Variants in MAST4 observed in about 807,000 individuals in gnomAD.
The protein encoded by MAST4 is microtubule-associated serine/threonine-protein kinase 4.
Under a neutral mutation model 162.7 loss-of-function variants are expected in MAST4, and 89 were observed. The ratio of observed to expected loss-of-function variants is 0.55; its 90% confidence interval spans 0.46 to 0.65. The LOEUF is 0.65. MAST4 is among the 30% of genes least tolerant of loss of function. The probability of loss-of-function intolerance (pLI) is 0.00; values close to 1 mark genes in which losing one functional copy is unlikely to be tolerated. For synonymous variants in MAST4, 1,479 were observed against 1,361.1 expected (o/e 1.09, Z -1.91); for missense variants, 3,153 against 3,374.0 (o/e 0.93, Z 1.62).
chr5:66,698,310 T>G, intron 1 of MAST4, among the ~76,000 whole-genome samples: 1 of 151,812 alleles, frequency 6.6e-6, no homozygotes, highest in South Asian at 2.1e-4. Flanking sequence ...CTCATTCTCA[T>G]TCCCTCCTCC....
intron 4 of MAST4, among the ~76,000 whole-genome samples, chr5:67,033,345 G>GTGTGTGTGTGTGT (rs55919358): frequency 1.1e-4 from 13 of 123,590 alleles, no homozygotes; most frequent in African/African-American, 1.9e-4. Flanking sequence ...GTGTGTGTGT[G>GTGTGTGTGTGTGT]GCTTTTTTTT....
chr5:66,891,129 T>G (rs73765783), intron 3 of MAST4, among the ~76,000 whole-genome samples: 3,169 of 152,280 alleles, frequency 0.021, 121 homozygotes, highest in African/African-American at 0.072. Flanking sequence ...TTAAATCGTT[T>G]GCCATCTTTT....
At chr5:67,156,408 G>T (rs1179911090) in intron 26 of MAST4, among the ~76,000 whole-genome samples, 2 of 152,180 alleles carry the variant, frequency 1.3e-5, no homozygotes, top group Non-Finnish European at 2.9e-5. Context: ...AAAGTCTGCT[G>T]TTCACAGGGG....
intron 4 of MAST4, among the ~76,000 whole-genome samples, chr5:66,979,590 A>G (rs772959541): frequency 2.0e-5 from 3 of 152,140 alleles, no homozygotes. Flanking sequence ...GCAGGGACAC[A>G]TTTGTTTTTT....
chr5:66,739,815 G>T (rs1752380245), intron 1 of MAST4, among the ~76,000 whole-genome samples: 1 of 148,310 alleles, frequency 6.7e-6, no homozygotes. Context: ...TTTTTTTTCT[G>T]CCAAGCAGGA....
At chr5:66,626,645 G>A (rs1744448620) in intron 1 of MAST4, among the ~76,000 whole-genome samples, 1 of 152,216 alleles carries the variant, frequency 6.6e-6, no homozygotes, top group African/African-American at 2.4e-5. Context: ...ACTGTAAGCA[G>A]TGTTTCCTGT....
intron 3 of MAST4, among the ~76,000 whole-genome samples, chr5:66,880,049 T>A (rs1167477320): frequency 2.0e-5 from 3 of 152,222 alleles, no homozygotes; most frequent in Admixed American, 2.0e-4. Context: ...TTTTAGTAGT[T>A]AAGTGGATAA....
intron 1 of MAST4, among the ~76,000 whole-genome samples, chr5:66,668,856 G>A (rs1747433830): frequency 6.6e-6 from 1 of 152,176 alleles, no homozygotes; most frequent in Non-Finnish European, 1.5e-5. Flanking sequence ...GACCATATTT[G>A]ATTGACAGCT....
chr5:66,691,883 A>G (rs926827371), intron 1 of MAST4, among the ~76,000 whole-genome samples: 1 of 152,126 alleles, frequency 6.6e-6, no homozygotes, highest in Admixed American at 6.6e-5. Flanking sequence ...TTCATTCTCT[A>G]TGGTAATGAT....
chr5:67,013,756 A>C (rs584354), intron 4 of MAST4, among the ~76,000 whole-genome samples: 1 of 151,910 alleles, frequency 6.6e-6, no homozygotes, highest in Non-Finnish European at 1.5e-5. Context: ...AAAAAGTATA[A>C]GTATAAAATG....
chr5:66,879,129 A>C (rs989426008), intron 3 of MAST4, among the ~76,000 whole-genome samples: 1 of 152,056 alleles, frequency 6.6e-6, no homozygotes, highest in East Asian at 1.9e-4. Context: ...AATACAAAAA[A>C]TTAGCTGGGC....
chr5:66,963,532 T>C (rs1746279886), intron 4 of MAST4, among the ~76,000 whole-genome samples: 1 of 152,240 alleles, frequency 6.6e-6, no homozygotes, highest in Admixed American at 6.5e-5. Flanking sequence ...GGAAGCATTT[T>C]ACTTGTTCTG....
At chr5:66,910,732 T>TTTTTTTTTTTTTG in intron 4 of MAST4, among the ~76,000 whole-genome samples, 1 of 21,564 alleles carries the variant, frequency 4.6e-5, no homozygotes, top group Non-Finnish European at 1.5e-4. Context: ...ACATGTGGTT[T>TTTTTTTTTTTTTG]TTTTTTTTCT....
chr5:66,884,880 C>G (rs1007041986), intron 3 of MAST4, among the ~76,000 whole-genome samples: 1 of 152,184 alleles, frequency 6.6e-6, no homozygotes, highest in East Asian at 1.9e-4. Context: ...TTATTTTAAC[C>G]TTGCAAATAG....
At chr5:67,088,189 T>C (rs983078182) in intron 5 of MAST4, among the ~76,000 whole-genome samples, 21 of 152,294 alleles carry the variant, frequency 1.4e-4, no homozygotes, top group African/African-American at 4.8e-4. Context: ...ATTAATAAGC[T>C]CTCTGTATTG....
At chr5:67,097,158 T>C (rs1764556643) in intron 7 of MAST4, among the ~76,000 whole-genome samples, 1 of 152,162 alleles carries the variant, frequency 6.6e-6, no homozygotes. Context: ...TTGTATTCTT[T>C]CCATCTTTAG....
intron 4 of MAST4, among the ~76,000 whole-genome samples, chr5:67,028,973 A>T (rs1754990949): frequency 1.3e-5 from 2 of 152,030 alleles, no homozygotes; most frequent in African/African-American, 4.8e-5. Context: ...TACAAAAATA[A>T]AAGATAAATA....
At chr5:66,797,654 A>G (rs958983020) in intron 3 of MAST4, among the ~76,000 whole-genome samples, 1 of 152,198 alleles carries the variant, frequency 6.6e-6, no homozygotes, top group Non-Finnish European at 1.5e-5. Context: ...AGCTAACAAC[A>G]TGCTGGAGAG....
intron 3 of MAST4, among the ~76,000 whole-genome samples, chr5:66,840,622 T>C (rs373230614): frequency 1.3e-5 from 2 of 152,176 alleles, no homozygotes; most frequent in Non-Finnish European, 2.9e-5. Flanking sequence ...GCCATGTGAC[T>C]GTTCATTGGC....
Sources: allele counts gnomAD v4.1 joint callset (sites outside exome capture counted in the v4.1 genomes callset), GRCh38; gene constraint gnomAD v4.1.1; transcripts MANE v1.5; gene names NCBI Gene and HGNC (gene_info 2026-07-23, HGNC 2026-07-21).